The following VPS13B variants were observed in gnomAD, a reference collection of about 807,000 sequenced individuals.
VPS13B encodes vacuolar protein sorting 13 homolog B.
VPS13B carries 285 observed loss-of-function variants against 426.4 expected under a neutral mutation model. The ratio of observed to expected loss-of-function variants is 0.67; its 90% confidence interval spans 0.61 to 0.74. The LOEUF (loss-of-function observed/expected upper bound fraction) is 0.74. VPS13B is among the 30% of genes least tolerant of loss of function. The probability of loss-of-function intolerance (pLI) is 0.00; values close to 1 mark genes in which losing one functional copy is unlikely to be tolerated. For synonymous variants in VPS13B, 1,676 were observed against 1,676.4 expected (o/e 1.00, Z 0.01); for missense variants, 4,537 against 4,782.6 (o/e 0.95, Z 1.51).
intron 24 of VPS13B, 96 bp downstream of exon 24, chr8:99,467,730 T>C (rs1050710295): frequency 7.7e-7 from 1 of 1,300,706 alleles, no homozygotes; most frequent in Admixed American, 1.9e-5. Flanking sequence ...CTCTTGAGTA[T>C]CCTAAATTAT....
chr8:99,870,211 C>A (rs1472841627), intron 59 of VPS13B, among the ~76,000 whole-genome samples: 3 of 152,134 alleles, frequency 2.0e-5, no homozygotes, highest in African/African-American at 7.2e-5. Context: ...TGCTGTCACC[C>A]AGGCTGACAT....
chr8:99,760,890 T>G (rs1810894845), intron 39 of VPS13B, among the ~76,000 whole-genome samples: 1 of 152,196 alleles, frequency 6.6e-6, no homozygotes, highest in Non-Finnish European at 1.5e-5. Flanking sequence ...TCATGAGGAA[T>G]CTGGAGATGA....
At chr8:99,826,790 A>T (rs1261287510) in intron 51 of VPS13B, among the ~76,000 whole-genome samples, 2 of 152,134 alleles carry the variant, frequency 1.3e-5, no homozygotes, top group Non-Finnish European at 1.5e-5. Context: ...GGGGTGTTGA[A>T]TTTTATCAAA....
chr8:99,112,255 G>A (rs1452307026), intron 6 of VPS13B, among the ~76,000 whole-genome samples: 1 of 152,140 alleles, frequency 6.6e-6, no homozygotes, highest in Non-Finnish European at 1.5e-5. Context: ...GTTTATTGTT[G>A]AACTACTTGC....
At chr8:99,203,163 G>C (rs4307310) in intron 17 of VPS13B, among the ~76,000 whole-genome samples, 122,331 of 152,070 alleles carry the variant, frequency 0.8, 49,689 homozygotes, top group South Asian at 0.89. Flanking sequence ...GCTTATCCAC[G>C]ACGATCAAGT....
chr8:99,053,282 C>T (rs1563508930), intron 3 of VPS13B, among the ~76,000 whole-genome samples: 1 of 151,946 alleles, frequency 6.6e-6, no homozygotes, highest in Non-Finnish European at 1.5e-5. Context: ...TAATGCTATC[C>T]CTCCCCGCTC....
intron 17 of VPS13B, among the ~76,000 whole-genome samples, chr8:99,218,068 T>A (rs1227558580): frequency 1.3e-5 from 2 of 152,156 alleles, no homozygotes. Flanking sequence ...GAGATTGTTT[T>A]TAGGGGAAAG....
At chr8:99,399,069 G>C (rs1814898414) in intron 21 of VPS13B, among the ~76,000 whole-genome samples, 1 of 151,822 alleles carries the variant, frequency 6.6e-6, no homozygotes, top group Admixed American at 6.6e-5. Context: ...TATTTTATCA[G>C]GGATAAAAGA....
At chr8:99,188,168 A>G (rs575227797) in intron 16 of VPS13B, among the ~76,000 whole-genome samples, 2 of 148,342 alleles carry the variant, frequency 1.3e-5, no homozygotes, top group Non-Finnish European at 3.0e-5. Context: ...TAAAATTTAC[A>G]ACATAAATTT....
At chr8:99,064,853 A>T (rs1032310144) in intron 3 of VPS13B, among the ~76,000 whole-genome samples, 1 of 152,230 alleles carries the variant, frequency 6.6e-6, no homozygotes, top group Non-Finnish European at 1.5e-5. Context: ...AAGGGCAGCC[A>T]GAGAGAAAGG....
At chr8:99,221,854 G>C (rs1472991918) in intron 17 of VPS13B, among the ~76,000 whole-genome samples, 1 of 152,166 alleles carries the variant, frequency 6.6e-6, no homozygotes, top group East Asian at 1.9e-4. Context: ...TACTACAGCT[G>C]TGCACCGCCA....
At chr8:99,493,021 A>T (rs961536415) in intron 25 of VPS13B, among the ~76,000 whole-genome samples, 1 of 152,148 alleles carries the variant, frequency 6.6e-6, no homozygotes, top group Admixed American at 6.5e-5. Flanking sequence ...AAATTATTAT[A>T]TACGTAATTT....
At chr8:99,818,241 T>C (rs995242364) in intron 45 of VPS13B, among the ~76,000 whole-genome samples, 2 of 152,228 alleles carry the variant, frequency 1.3e-5, no homozygotes, top group Non-Finnish European at 2.9e-5. Flanking sequence ...AATCTCTTTG[T>C]CTTTATGGAA....
chr8:99,499,425 G>A (rs1478470908), intron 25 of VPS13B, among the ~76,000 whole-genome samples: 10 of 152,084 alleles, frequency 6.6e-5, no homozygotes, highest in African/African-American at 2.4e-4. Flanking sequence ...GATTCGAGAT[G>A]TTATTTTCTC....
intron 30 of VPS13B, among the ~76,000 whole-genome samples, chr8:99,555,924 A>T (rs1824537226): frequency 6.6e-6 from 1 of 152,152 alleles, no homozygotes; most frequent in Admixed American, 6.6e-5. Context: ...GGTGAAATAG[A>T]TTAAGAAGGC....
At chr8:99,821,656 T>C (rs1814376792) in intron 50 of VPS13B, among the ~76,000 whole-genome samples, 174 bp downstream of exon 50, 1 of 152,246 alleles carries the variant, frequency 6.6e-6, no homozygotes, top group Admixed American at 6.5e-5. Context: ...AGTGCTTTTT[T>C]TTCTTTACCA....
intron 21 of VPS13B, among the ~76,000 whole-genome samples, chr8:99,402,372 T>C (rs1444172261): frequency 6.6e-6 from 1 of 152,216 alleles, no homozygotes; most frequent in Non-Finnish European, 1.5e-5. Context: ...CTCTGGGTTT[T>C]ATATTCCATG....
chr8:99,275,837 A>C (rs570576968), intron 19 of VPS13B, among the ~76,000 whole-genome samples: 2 of 152,322 alleles, frequency 1.3e-5, no homozygotes, highest in Admixed American at 1.3e-4. Context: ...AGAAAAATGT[A>C]TGATAGGTAG....
intron 17 of VPS13B, among the ~76,000 whole-genome samples, chr8:99,205,985 G>C: frequency 6.6e-6 from 1 of 152,222 alleles, no homozygotes; most frequent in East Asian, 1.9e-4. Flanking sequence ...AAAGGATAAA[G>C]CAGAGATTAA....
Sources: gnomAD v4.1 joint callset for allele counts (sites outside exome capture counted in the v4.1 genomes callset) on GRCh38, gnomAD v4.1.1 for gene constraint, MANE v1.5 for transcripts, NCBI Gene and HGNC (gene_info 2026-07-23, HGNC 2026-07-21) for gene names.